FHIT: variants seen among roughly 807,000 people sequenced by gnomAD.
The protein encoded by FHIT is fragile histidine triad diadenosine triphosphatase, also known as bis(5'-adenosyl)-triphosphatase.
In FHIT, 19 loss-of-function variants were observed where a neutral mutation model predicts 17.9. The ratio of observed to expected loss-of-function variants is 1.06; its 90% CI spans 0.74 to 1.56. The LOEUF is 1.56. Among genes scored for constraint, FHIT ranks in the 40% most tolerant of loss-of-function variants. The pLI is 0.00. For synonymous variants in FHIT, 81 were observed against 69.7 expected, an observed-to-expected ratio of 1.16 and a Z score of -0.81; for missense variants, 248 against 189.2, an observed-to-expected ratio of 1.31 and a Z score of -1.82.
chr3:60,046,041 T>C (rs1365759197), intron 5 of FHIT, among the ~76,000 whole-genome samples: 1 of 152,220 alleles, frequency 6.6e-6, no homozygotes, highest in East Asian at 1.9e-4. Flanking sequence ...AATGATCAGC[T>C]GTGTTTCCAG....
intron 5 of FHIT, among the ~76,000 whole-genome samples, chr3:60,461,057 C>G (rs1304886009): frequency 6.7e-6 from 1 of 150,022 alleles, no homozygotes; most frequent in Non-Finnish European, 1.5e-5. Flanking sequence ...AGAAAACTCC[C>G]TTAACGTTAA....
At chr3:60,598,025 C>T (rs1175333226) in intron 4 of FHIT, among the ~76,000 whole-genome samples, 3 of 151,970 alleles carry the variant, frequency 2.0e-5, no homozygotes, top group Non-Finnish European at 2.9e-5. Context: ...GGCATTTGAG[C>T]GAAGGAGGTT....
At chr3:60,286,727 A>G (rs368906273) in intron 5 of FHIT, among the ~76,000 whole-genome samples, 18 of 152,326 alleles carry the variant, frequency 1.2e-4, no homozygotes, top group African/African-American at 3.4e-4. Flanking sequence ...TTTTGTATCA[A>G]TGGGCTTAGA....
At chr3:61,051,569 CA>C (rs1353864132) in intron 2 of FHIT, among the ~76,000 whole-genome samples, 2 of 152,078 alleles carry the variant, frequency 1.3e-5, no homozygotes, top group African/African-American at 4.8e-5. Context: ...TTTTGACTGA[CA>C]TATCTCACTG....
chr3:60,812,176 T>A (rs74359171), intron 4 of FHIT, among the ~76,000 whole-genome samples: 21 of 67,004 alleles, frequency 3.1e-4, no homozygotes, highest in Non-Finnish European at 7.7e-4. Flanking sequence ...ATACAGACTC[T>A]TTTTTTTTTT....
At chr3:60,895,669 T>TTCCTTCCTTC (rs1559808620) in intron 3 of FHIT, among the ~76,000 whole-genome samples, 221 of 21,084 alleles carry the variant, frequency 0.01, no homozygotes, top group African/African-American at 0.018. Context: ...TTCCTTCCTT[T>TTCCTTCCTTC]CTTTCTTTCT....
chr3:60,113,431 C>CGTGT lies in FHIT; in HGVS notation c.104-99283_104-99280dup, dbSNP rs1175897731. ...GGATGAGAAAGAGAGAGCTGTTCAA[C>CGTGT]GTGTGTGTGGCCATACACAGTGAAT... is the stretch of plus-strand genomic sequence containing the variant. On this transcript the variant is annotated intron_variant, in intron 5 of 9. Coordinates refer to ENST00000492590, the MANE Select transcript of FHIT (RefSeq NM_002012.4). Among the ~76,000 whole-genome samples, 2 of 151,822 alleles carry CGTGT rather than the reference C, an allele frequency of 1.3e-5. 1 individual carries two copies. The highest frequency in any genetic ancestry group is 4.9e-5 in the African/African-American group (2 of 41,198).
intron 5 of FHIT, among the ~76,000 whole-genome samples, chr3:60,261,364 A>G (rs934200346): frequency 3.9e-5 from 6 of 151,984 alleles, no homozygotes; most frequent in African/African-American, 1.2e-4. Context: ...GATGGTACCA[A>G]TCGCAAGGAA....
In FHIT at chr3:60,810,218, T is replaced by A. The variant is rs547366282; in HGVS notation, c.-18+11701A>T. ...TCAGCTGGCAGAATGATTTAGTAGCTCTATTATAAAAGCAACTCCATTATA... is the reference window on the plus strand; with the variant it reads ...TCAGCTGGCAGAATGATTTAGTAGCACTATTATAAAAGCAACTCCATTATA... On this transcript the variant is annotated intron_variant, in intron 4 of 9. Transcript: ENST00000492590. Among the ~76,000 whole-genome samples the A allele has an allele frequency of 3.9e-5, 6 of 152,282 alleles. No individual in the cohort carries two copies. In the South Asian group the frequency reaches 1.0e-3, roughly 26 times the overall value.
At chr3:60,638,328 T>C (rs1212014149) in intron 4 of FHIT, among the ~76,000 whole-genome samples, 1 of 152,130 alleles carries the variant, frequency 6.6e-6, no homozygotes. Context: ...AATGAAATAA[T>C]GGGTCTAGAC....
chr3:61,009,018 T>C (rs2031638004), intron 3 of FHIT, among the ~76,000 whole-genome samples: 1 of 152,156 alleles, frequency 6.6e-6, no homozygotes, highest in Non-Finnish European at 1.5e-5. Context: ...TTTATTATCC[T>C]GAAACTCCCA....
chr3:59,948,488 G>T (rs1267132792), intron 7 of FHIT, among the ~76,000 whole-genome samples: 2 of 151,680 alleles, frequency 1.3e-5, no homozygotes, highest in African/African-American at 4.8e-5. Context: ...CTGCACTCCA[G>T]CCTGGGCAAC....
chr3:60,935,831 G>A (rs1305447668), intron 3 of FHIT, among the ~76,000 whole-genome samples: 1 of 152,178 alleles, frequency 6.6e-6, no homozygotes, highest in Non-Finnish European at 1.5e-5. Context: ...AAACTGCTCG[G>A]TAGCATTCTC....
intron 4 of FHIT, among the ~76,000 whole-genome samples, chr3:60,744,506 A>G (rs181972256): frequency 6.6e-5 from 10 of 152,304 alleles, no homozygotes; most frequent in African/African-American, 2.4e-4. Context: ...AAAACAGAGA[A>G]ACAGGAGAGA....
At chr3:59,940,727 A>T (rs1706473267) in intron 7 of FHIT, among the ~76,000 whole-genome samples, 2 of 152,218 alleles carry the variant, frequency 1.3e-5, no homozygotes, top group Non-Finnish European at 1.5e-5. Context: ...ATATTTATAA[A>T]ATGCAGATAA....
At chr3:60,264,432 A>G (rs1424746269) in intron 5 of FHIT, among the ~76,000 whole-genome samples, 1 of 152,022 alleles carries the variant, frequency 6.6e-6, no homozygotes, top group African/African-American at 2.4e-5. Flanking sequence ...AGAAAAAATT[A>G]TCACAGTGGA....
At chr3:60,563,458 C>A (rs2037025067) in intron 4 of FHIT, among the ~76,000 whole-genome samples, 1 of 152,082 alleles carries the variant, frequency 6.6e-6, no homozygotes, top group South Asian at 2.1e-4. Flanking sequence ...CACTTTAAAT[C>A]AAAAAGTAGA....
intron 1 of FHIT, among the ~76,000 whole-genome samples, chr3:61,202,301 C>T (rs1378329872): frequency 6.6e-6 from 1 of 150,850 alleles, no homozygotes; most frequent in Non-Finnish European, 1.5e-5. Flanking sequence ...GCTGCCCTGT[C>T]CGGGAAGTGA....
At chr3:61,248,324 G>A (rs1282795502) in intron 1 of FHIT, among the ~76,000 whole-genome samples, 1 of 152,180 alleles carries the variant, frequency 6.6e-6, no homozygotes, top group Middle Eastern at 3.4e-3. Context: ...GGGGGCATGG[G>A]GGTGATGAGG....
Sources: allele counts gnomAD v4.1 joint callset (sites outside exome capture counted in the v4.1 genomes callset), GRCh38; gene constraint gnomAD v4.1.1; transcripts MANE v1.5; gene names NCBI Gene and HGNC (gene_info 2026-07-23, HGNC 2026-07-21).